The following MAF variants were observed in gnomAD, a reference collection of about 807,000 sequenced individuals.
The protein encoded by MAF is transcription factor Maf.
Under a neutral mutation model 22.0 loss-of-function variants are expected in MAF, and 10 were observed. The ratio of observed to expected loss-of-function variants is 0.45; its 90% CI spans 0.28 to 0.77. The LOEUF (loss-of-function observed/expected upper bound fraction) is 0.77. Among genes scored for constraint, MAF ranks in the 30% least tolerant of loss-of-function variants. MAF has a pLI of 0.12. For missense variants in MAF, 544 were observed against 548.4 expected, an observed-to-expected ratio of 0.99 and a Z score of 0.08; for synonymous variants, 337 against 255.8, an observed-to-expected ratio of 1.32 and a Z score of -3.03.
At chr16:79,422,418 C>A in the MAF span, among the ~76,000 whole-genome samples, 2 of 152,148 alleles carry the variant, frequency 1.3e-5, no homozygotes, top group Admixed American at 1.3e-4. Flanking sequence ...TCTGTAGAGT[C>A]CCGGGGACCC....
chr16:79,242,384 A>T, the MAF span, among the ~76,000 whole-genome samples: 1 of 151,956 alleles, frequency 6.6e-6, no homozygotes, highest in Admixed American at 6.6e-5. Flanking sequence ...AAAGAAAAAA[A>T]AAAGCAGGGG....
chr16:79,296,528 A>G, the MAF span, among the ~76,000 whole-genome samples: 2 of 152,186 alleles, frequency 1.3e-5, no homozygotes, highest in South Asian at 2.1e-4. Context: ...CTTAAATAAA[A>G]TAATTTTTTT....
At chr16:79,548,814 G>A in the MAF span, among the ~76,000 whole-genome samples, 1 of 152,100 alleles carries the variant, frequency 6.6e-6, no homozygotes, top group East Asian at 1.9e-4. Context: ...GAGAGTGGCA[G>A]ACACACCAGA....
chr16:79,497,586 C>G, the MAF span, among the ~76,000 whole-genome samples: 3 of 152,232 alleles, frequency 2.0e-5, no homozygotes, highest in African/African-American at 7.2e-5. Context: ...ATTCACCTCA[C>G]AGGCCTCATG....
chr16:79,266,344 C>T, the MAF span, among the ~76,000 whole-genome samples: 1 of 152,098 alleles, frequency 6.6e-6, no homozygotes, highest in African/African-American at 2.4e-5. Context: ...GAAAGGAAAA[C>T]CATGGATAAG....
At chr16:79,400,580 TAGA>T in the MAF span, among the ~76,000 whole-genome samples, 2 of 152,180 alleles carry the variant, frequency 1.3e-5, no homozygotes, top group Non-Finnish European at 2.9e-5. Flanking sequence ...CTAAAATGGG[TAGA>T]AGAATACCCC....
the MAF span, among the ~76,000 whole-genome samples, chr16:79,300,981 G>A: frequency 1.3e-5 from 2 of 152,042 alleles, no homozygotes; most frequent in Non-Finnish European, 2.9e-5. Flanking sequence ...GGGGCAGAAG[G>A]GGGAGGAGAC....
chr16:79,228,574 G>A, the MAF span, among the ~76,000 whole-genome samples: 7 of 152,058 alleles, frequency 4.6e-5, no homozygotes, highest in Middle Eastern at 3.2e-3. Context: ...AGCCCCTGCC[G>A]GTGTTTCCTC....
At chr16:79,502,708 AATATATAT>A in the MAF span, among the ~76,000 whole-genome samples, 47 of 33,980 alleles carry the variant, frequency 1.4e-3, no homozygotes, top group South Asian at 4.7e-3. Flanking sequence ...TATAAATATA[AATATATAT>A]ATATATATAT....
At chr16:79,208,876 G>C in the MAF span, among the ~76,000 whole-genome samples, 1 of 152,156 alleles carries the variant, frequency 6.6e-6, no homozygotes, top group Admixed American at 6.5e-5. Flanking sequence ...GGTGTGTATG[G>C]GACCAACAAG....
the MAF span, among the ~76,000 whole-genome samples, chr16:79,551,403 C>T: frequency 1.1e-4 from 17 of 152,152 alleles, no homozygotes; most frequent in Admixed American, 3.9e-4. Flanking sequence ...AAGCGCATGC[C>T]CTGTGGGTAA....
At chr16:79,439,744 A>C in the MAF span, among the ~76,000 whole-genome samples, 1 of 152,224 alleles carries the variant, frequency 6.6e-6, no homozygotes, top group African/African-American at 2.4e-5. Flanking sequence ...ACAGAAGATG[A>C]CAAAGCCAAC....
Position 79,594,451 on chromosome 16 carries a change from A to C in MAF, c.*9T>G. 1 of 1,553,656 alleles carries C rather than the reference A, an allele frequency of 6.4e-7. No homozygotes were observed. The highest frequency in any genetic ancestry group is 1.2e-5 in the South Asian group (1 of 84,318). ...TGATTTTTTTTAATGTACAGCTCTCACACAAATTTCATTTTGTGAACACAC... is the reference window on the plus strand; with the variant it reads ...TGATTTTTTTTAATGTACAGCTCTCCCACAAATTTCATTTTGTGAACACAC... On this transcript the variant is annotated 3_prime_UTR_variant, in exon 2 of 2. Coordinates refer to ENST00000326043, the MANE Select transcript of MAF (RefSeq NM_005360.5).
At chr16:79,222,952 C>A in the MAF span, among the ~76,000 whole-genome samples, 5 of 152,282 alleles carry the variant, frequency 3.3e-5, no homozygotes, top group South Asian at 1.0e-3. Context: ...CAATATTAGA[C>A]ATATCGACGA....
chr16:79,404,577 G>T, the MAF span, among the ~76,000 whole-genome samples: 4 of 152,110 alleles, frequency 2.6e-5, no homozygotes, highest in African/African-American at 9.7e-5. Context: ...ATGGGGTGCC[G>T]CAGAGTCAAT....
At chr16:79,506,323 G>A in the MAF span, among the ~76,000 whole-genome samples, 3 of 152,134 alleles carry the variant, frequency 2.0e-5, no homozygotes, top group Admixed American at 6.5e-5. Flanking sequence ...CAAGGCCTTG[G>A]GTTCCTTTGC....
chr16:79,480,272 A>G, the MAF span, among the ~76,000 whole-genome samples: 2 of 152,158 alleles, frequency 1.3e-5, no homozygotes, highest in Non-Finnish European at 2.9e-5. Flanking sequence ...GTCGGTTTCA[A>G]TTATTTTCCG....
the MAF span, among the ~76,000 whole-genome samples, chr16:79,398,163 C>G: frequency 6.6e-6 from 1 of 152,094 alleles, no homozygotes; most frequent in Non-Finnish European, 1.5e-5. Flanking sequence ...ATCTTCAAAT[C>G]AAATCACTCC....
the MAF span, among the ~76,000 whole-genome samples, chr16:79,206,997 C>A: frequency 6.6e-6 from 1 of 152,154 alleles, no homozygotes; most frequent in Non-Finnish European, 1.5e-5. Flanking sequence ...TGAGGAATGG[C>A]TGTATCCCAA....
Sources: gnomAD v4.1 joint callset for allele counts (sites outside exome capture counted in the v4.1 genomes callset) on GRCh38, gnomAD v4.1.1 for gene constraint, MANE v1.5 for transcripts, NCBI Gene and HGNC (gene_info 2026-07-23, HGNC 2026-07-21) for gene names.